The following FRMD3 variants were observed in gnomAD, a reference collection of about 807,000 sequenced individuals.
FRMD3 encodes FERM domain containing 3.
FRMD3 carries 33 observed loss-of-function variants against 70.2 expected under a neutral mutation model. The ratio of observed to expected loss-of-function variants is 0.47; its 90% CI spans 0.36 to 0.63. The LOEUF (loss-of-function observed/expected upper bound fraction) is 0.63. Ranked by LOEUF, FRMD3 falls within the 20% of genes least tolerant of loss-of-function variation. The pLI, the probability that FRMD3 is intolerant of heterozygous loss-of-function variation, is 0.00. For missense variants in FRMD3, 632 were observed against 711.4 expected, an observed-to-expected ratio of 0.89 and a Z score of 1.27; for synonymous variants, 279 against 255.9, an observed-to-expected ratio of 1.09 and a Z score of -0.86.
chr9:83,514,896 C>T (rs1587506079), intron 1 of FRMD3, among the ~76,000 whole-genome samples: 1 of 152,168 alleles, frequency 6.6e-6, no homozygotes, highest in Non-Finnish European at 1.5e-5. Flanking sequence ...GGAAAACTAA[C>T]AAACAGAAAG....
At position 83,525,389 on chromosome 9, in the gene FRMD3, G is replaced by A. The variant is rs548491279; in HGVS notation, c.147+12696C>T. Among the ~76,000 whole-genome samples the A allele has an allele frequency of 6.6e-5, 10 of 152,204 alleles. No homozygotes were observed. In the East Asian group the frequency reaches 1.5e-3, roughly 23 times the overall value. ...AGATTATTGTTGTTTGAGCAATTTT[G>A]TAGAACTTGAATTATTTTAATTTTC... On this transcript the variant is annotated intron_variant, in intron 1 of 13. Transcript: ENST00000304195.
At chr9:83,370,283 A>T (rs1046115284) in intron 3 of FRMD3, among the ~76,000 whole-genome samples, 1 of 152,208 alleles carries the variant, frequency 6.6e-6, no homozygotes, top group Admixed American at 6.5e-5. Context: ...TAGTTTAAAA[A>T]TTTTCTAATT....
At chr9:83,354,776 A>G (rs542973035) in intron 3 of FRMD3, among the ~76,000 whole-genome samples, 49 of 152,344 alleles carry the variant, frequency 3.2e-4, no homozygotes, top group African/African-American at 1.1e-3. Context: ...ATGGGAAAGA[A>G]TAAAGCCAAG....
chr9:83,391,152 T>C (rs564351025), intron 1 of FRMD3, among the ~76,000 whole-genome samples: 37 of 152,322 alleles, frequency 2.4e-4, no homozygotes, highest in African/African-American at 8.7e-4. Flanking sequence ...CACTTTTGAG[T>C]TTGATTTTGA....
chr9:83,394,336 T>C (rs1178385866), intron 1 of FRMD3, among the ~76,000 whole-genome samples: 1 of 152,176 alleles, frequency 6.6e-6, no homozygotes, highest in African/African-American at 2.4e-5. Flanking sequence ...TAGGATCTAT[T>C]TCAAAAGAAT....
chr9:83,311,978 GAA>G lies in FRMD3; in HGVS notation c.685-5_685-4del, dbSNP rs200178795. The stretch of plus-strand genomic sequence containing the variant: ...AATGTTGTTGTGCCTGTTGAATCCT[GAA>G]AAAAAAAAAAAAGAAAAAAGAAAAA... On this transcript the variant is annotated splice_region_variant and splice_polypyrimidine_tract_variant and intron_variant, in intron 7 of 13. Coordinates refer to ENST00000304195, the MANE Select transcript of FRMD3 (RefSeq NM_174938.6). 8,794 of 1,306,156 alleles carry G rather than the reference GAA, an allele frequency of 6.7e-3. No individual in the cohort carries two copies. The highest frequency in any genetic ancestry group is 0.013 in the South Asian group (927 of 72,572). 80.9% of individuals were successfully genotyped at this position (1,306,156 alleles called of 1,614,324 possible). A position where few individuals can be genotyped will look rare whatever the true frequency, so the allele number is the denominator to read the frequency against.
chr9:83,365,510 A>C (rs547438403), intron 3 of FRMD3, among the ~76,000 whole-genome samples: 3 of 152,286 alleles, frequency 2.0e-5, no homozygotes, highest in Admixed American at 2.0e-4. Flanking sequence ...TTAATCTCGT[A>C]TCCAAAGAGA....
the FRMD3 span, among the ~76,000 whole-genome samples, chr9:83,551,304 T>C: frequency 6.6e-6 from 1 of 152,144 alleles, no homozygotes; most frequent in East Asian, 1.9e-4. Flanking sequence ...TTGAGCCAAC[T>C]TTGCATCCTG....
At chr9:83,388,902 C>A (rs907061598) in intron 2 of FRMD3, among the ~76,000 whole-genome samples, 2 of 151,406 alleles carry the variant, frequency 1.3e-5, no homozygotes, top group African/African-American at 2.4e-5. Flanking sequence ...ACCCTATACC[C>A]ATTAAGCAGT....
At chr9:83,557,115 C>T in the FRMD3 span, among the ~76,000 whole-genome samples, 1 of 151,880 alleles carries the variant, frequency 6.6e-6, no homozygotes, top group Non-Finnish European at 1.5e-5. Context: ...ACAGACAAAG[C>T]AATAAGAAAA....
chr9:83,488,659 G>A (rs1177508613), intron 1 of FRMD3, among the ~76,000 whole-genome samples: 2 of 152,148 alleles, frequency 1.3e-5, no homozygotes, highest in African/African-American at 4.8e-5. Context: ...GACCTCCGTG[G>A]CTAATCACAA....
intron 13 of FRMD3, among the ~76,000 whole-genome samples, chr9:83,264,221 A>G (rs1170951501): frequency 6.6e-6 from 1 of 152,232 alleles, no homozygotes; most frequent in African/African-American, 2.4e-5. Context: ...AAAAGACTGC[A>G]TATTGTATGA....
At chr9:83,277,801 C>T (rs1272794386) in intron 13 of FRMD3, among the ~76,000 whole-genome samples, 1 of 152,198 alleles carries the variant, frequency 6.6e-6, no homozygotes, top group East Asian at 1.9e-4. Flanking sequence ...ATTTAGAATC[C>T]ATACATTCAT....
chr9:83,515,300 C>A (rs1829431026), intron 1 of FRMD3, among the ~76,000 whole-genome samples: 1 of 152,142 alleles, frequency 6.6e-6, no homozygotes, highest in Non-Finnish European at 1.5e-5. Flanking sequence ...CTGAAAAACA[C>A]AGCACGAAAG....
At chr9:83,366,966 G>C (rs1350802658) in intron 3 of FRMD3, among the ~76,000 whole-genome samples, 2 of 152,102 alleles carry the variant, frequency 1.3e-5, no homozygotes, top group Admixed American at 6.5e-5. Context: ...TCAGGAGGCG[G>C]AGGTTGCAGT....
intron 12 of FRMD3, among the ~76,000 whole-genome samples, chr9:83,294,252 T>G (rs1268026225): frequency 6.6e-6 from 1 of 152,198 alleles, no homozygotes; most frequent in African/African-American, 2.4e-5. Context: ...AGCAGGTGTT[T>G]GCCAGATGCT....
At chr9:83,520,842 C>G (rs971900240) in intron 1 of FRMD3, among the ~76,000 whole-genome samples, 9 of 151,988 alleles carry the variant, frequency 5.9e-5, no homozygotes, top group Non-Finnish European at 1.0e-4. Context: ...GAAAAGGTCT[C>G]CGGCTGGCAC....
chr9:83,375,387 C>A (rs1306024378), intron 2 of FRMD3, among the ~76,000 whole-genome samples: 3 of 152,192 alleles, frequency 2.0e-5, no homozygotes, highest in Non-Finnish European at 4.4e-5. Flanking sequence ...CTAACCACAC[C>A]CTACATTTGC....
At chr9:83,286,523 G>T (rs1834221083) in intron 13 of FRMD3, among the ~76,000 whole-genome samples, 1 of 152,040 alleles carries the variant, frequency 6.6e-6, no homozygotes, top group Admixed American at 6.5e-5. Context: ...TAGAGACAGG[G>T]GTTTCACCAT....
Sources: allele counts gnomAD v4.1 joint callset (sites outside exome capture counted in the v4.1 genomes callset), GRCh38; gene constraint gnomAD v4.1.1; transcripts MANE v1.5; gene names NCBI Gene and HGNC (gene_info 2026-07-23, HGNC 2026-07-21).